CDK14: variants seen among roughly 807,000 people sequenced by gnomAD.
The protein encoded by CDK14 is cyclin dependent kinase 14, also known as cyclin-dependent kinase 14.
In CDK14, 34 loss-of-function variants were observed where a neutral mutation model predicts 60.7. The observed-to-expected ratio is 0.56, with a 90% CI of 0.43 to 0.75. CDK14 has a LOEUF of 0.75. Among genes scored for constraint, CDK14 ranks in the 30% least tolerant of loss-of-function variants. The pLI, the probability that CDK14 is intolerant of heterozygous loss-of-function variation, is 0.00. For synonymous variants in CDK14, 197 were observed against 203.7 expected (o/e 0.97, Z 0.28); for missense variants, 482 against 564.1 (o/e 0.85, Z 1.47).
intron 2 of CDK14, among the ~76,000 whole-genome samples, chr7:90,646,565 C>G (rs1190503068): frequency 6.6e-6 from 1 of 152,166 alleles, no homozygotes; most frequent in Non-Finnish European, 1.5e-5. Context: ...GCTCCCAAGT[C>G]TCTGGTTACC....
intron 12 of CDK14, among the ~76,000 whole-genome samples, chr7:91,095,660 T>C (rs917947166): frequency 6.6e-6 from 1 of 152,144 alleles, no homozygotes; most frequent in African/African-American, 2.4e-5. Flanking sequence ...ACAACAATGT[T>C]AGGAAATTAC....
intron 5 of CDK14, among the ~76,000 whole-genome samples, chr7:90,797,526 C>G (rs1303959907): frequency 3.9e-5 from 6 of 151,972 alleles, no homozygotes; most frequent in Non-Finnish European, 7.3e-5. Context: ...CATAACAGCA[C>G]TTAATGGCTT....
intron 2 of CDK14, among the ~76,000 whole-genome samples, chr7:90,702,852 A>G (rs1186432695): frequency 6.6e-6 from 1 of 152,094 alleles, no homozygotes; most frequent in African/African-American, 2.4e-5. Context: ...TTATTTCTGT[A>G]TGTTTATTTG....
chr7:91,026,809 C>T (rs1407352181), intron 10 of CDK14, among the ~76,000 whole-genome samples: 1 of 152,206 alleles, frequency 6.6e-6, no homozygotes, highest in Admixed American at 6.5e-5. Flanking sequence ...GCCCCCTCCT[C>T]CTAACTCCTC....
chr7:90,909,955 G>A (rs1584112981), intron 7 of CDK14, among the ~76,000 whole-genome samples: 1 of 152,084 alleles, frequency 6.6e-6, no homozygotes, highest in South Asian at 2.1e-4. Flanking sequence ...GCAAAACAGT[G>A]GCAAGACAAA....
intron 4 of CDK14, among the ~76,000 whole-genome samples, chr7:90,764,070 G>T (rs1169775144): frequency 6.6e-6 from 1 of 152,156 alleles, no homozygotes; most frequent in Non-Finnish European, 1.5e-5. Flanking sequence ...GGATCCAACT[G>T]AGTATTTAGA....
At chr7:91,095,183 T>C (rs913507240) in intron 12 of CDK14, among the ~76,000 whole-genome samples, 1 of 152,234 alleles carries the variant, frequency 6.6e-6, no homozygotes, top group Non-Finnish European at 1.5e-5. Flanking sequence ...AAAAGAGCAC[T>C]GGCAGCCTGT....
At chr7:90,926,391 T>A (rs755363636) in intron 8 of CDK14, among the ~76,000 whole-genome samples, 7 of 152,164 alleles carry the variant, frequency 4.6e-5, no homozygotes, top group Non-Finnish European at 1.0e-4. Flanking sequence ...GAATAAAAGT[T>A]TAAATAGAGC....
At chr7:90,960,933 A>G (rs1275860389) in intron 9 of CDK14, among the ~76,000 whole-genome samples, 1 of 152,146 alleles carries the variant, frequency 6.6e-6, no homozygotes, top group Non-Finnish European at 1.5e-5. Context: ...TCTATTGAAC[A>G]CAAACTGTAT....
chr7:90,882,117 C>A (rs1453351335), intron 6 of CDK14, among the ~76,000 whole-genome samples: 1 of 151,930 alleles, frequency 6.6e-6, no homozygotes, highest in Non-Finnish European at 1.5e-5. Flanking sequence ...GGGCTAAATG[C>A]CTCAATTAAA....
chr7:90,745,309 C>T lies in CDK14; in HGVS notation c.370-2372C>T, dbSNP rs190851554. 3.3e-3 allele frequency among the ~76,000 whole-genome samples: 496 copies of T among 152,148 alleles called. 3 individuals are homozygous for T. Among genetic ancestry groups the T allele is most frequent in the African/African-American group, 0.011 (470 of 41,494 alleles). On this transcript the variant is annotated intron_variant, in intron 3 of 14. Transcript: ENST00000380050. ...GTGTTTCCATAATTCACTTGAGGGACCGTCTTGAGTATAGTATTAATTATG... is the reference window on the plus strand; with the variant it reads ...GTGTTTCCATAATTCACTTGAGGGATCGTCTTGAGTATAGTATTAATTATG...
rs181735499 is a variant in CDK14 at position 91,050,185 on chromosome 7, A to G, written c.1105+4225A>G. Among the ~76,000 whole-genome samples, 6 of 152,288 alleles carry G rather than the reference A, an allele frequency of 3.9e-5. No individual in the cohort carries two copies. The East Asian group carries it at 1.2e-3, about 29-fold the overall frequency. Reference sequence around the variant, plus strand: ...TACCATTGATCTGAGTGAGATAGAAAGCTCTAGAAGATTTTGAACAAGGCA... The same window carrying G: ...TACCATTGATCTGAGTGAGATAGAAGGCTCTAGAAGATTTTGAACAAGGCA... On this transcript the variant is annotated intron_variant, in intron 11 of 14. Coordinates refer to ENST00000380050, the MANE Select transcript of CDK14 (RefSeq NM_001287135.2).
At chr7:91,194,989 C>T (rs750147693) in intron 14 of CDK14, among the ~76,000 whole-genome samples, 1 of 152,220 alleles carries the variant, frequency 6.6e-6, no homozygotes, top group African/African-American at 2.4e-5. Flanking sequence ...CATTCTCCAG[C>T]TCTGTTGCCA....
rs186930960 is a variant in CDK14, at chr7:91,142,989, G to A, written c.*28+24781G>A. Among the ~76,000 whole-genome samples, 251 of 152,308 alleles carry A rather than the reference G, an allele frequency of 1.6e-3. 5 individuals carry two copies. The highest frequency in any genetic ancestry group is 0.015 in the Admixed American group (225 of 15,304). ...AGTGCAGTAGATGACATAAGATACG[G>A]ATGATTCACCCAAGGTAAAATGTGA... On this transcript the variant is annotated intron_variant, in intron 14 of 14. Transcript: ENST00000380050.
intron 11 of CDK14, among the ~76,000 whole-genome samples, chr7:91,051,697 T>C (rs987913353): frequency 1.3e-5 from 2 of 152,168 alleles, no homozygotes; most frequent in Non-Finnish European, 2.9e-5. Context: ...ATAAATCATA[T>C]TCCTTTTCAT....
intron 10 of CDK14, among the ~76,000 whole-genome samples, chr7:91,000,096 C>T (rs1795799298): frequency 6.6e-6 from 1 of 152,146 alleles, no homozygotes; most frequent in African/African-American, 2.4e-5. Flanking sequence ...TTTATTGCTT[C>T]AGTAAGCCAA....
intron 2 of CDK14, chr7:90,666,408 G>A (rs1800980657): frequency 1.3e-5 from 2 of 152,218 alleles, no homozygotes; most frequent in Admixed American, 1.3e-4. Context: ...TACTTCACAA[G>A]TAGGTATGCT....
rs186246486 is a variant in CDK14, at chr7:91,000,713, C to G, written c.1041+16472C>G. 6.6e-5 allele frequency among the ~76,000 whole-genome samples: 10 copies of G among 152,288 alleles called. No homozygotes were observed. The East Asian group carries it at 1.9e-3, about 29-fold the overall frequency. ...AGATGAGAATTTGTTTTAAGAGGCT[C>G]TTTCCCAAAGTCTTAAGAAAGGAGA... On this transcript the variant is annotated intron_variant, in intron 10 of 14. Transcript: ENST00000380050.
chr7:90,596,744 C>T (rs893913316), intron 1 of CDK14, 26 bp downstream of exon 1: 1 of 1,578,276 alleles, frequency 6.3e-7, no homozygotes, highest in Admixed American at 1.7e-5. Flanking sequence ...CCCCCGGCCC[C>T]CCCAGCGCCC....
Sources: allele counts gnomAD v4.1 joint callset (sites outside exome capture counted in the v4.1 genomes callset), GRCh38; gene constraint gnomAD v4.1.1; transcripts MANE v1.5; gene names NCBI Gene and HGNC (gene_info 2026-07-23, HGNC 2026-07-21).